PLXDC1: variants seen among roughly 807,000 people sequenced by gnomAD.
PLXDC1 encodes plexin domain containing 1.
Under a neutral mutation model 61.3 loss-of-function variants are expected in PLXDC1, and 39 were observed. That is an observed-to-expected ratio of 0.64 (90% CI 0.49 to 0.83). The LOEUF (loss-of-function observed/expected upper bound fraction) is 0.83. Among genes scored for constraint, PLXDC1 ranks in the 40% least tolerant of loss-of-function variants. The probability of loss-of-function intolerance (pLI) is 0.00; values close to 1 mark genes in which losing one functional copy is unlikely to be tolerated. For synonymous variants in PLXDC1, 212 were observed against 254.5 expected (o/e 0.83, Z 1.59); for missense variants, 596 against 666.5 (o/e 0.89, Z 1.17).
Position 39,151,216 on chromosome 17 carries a change from C to T in PLXDC1, c.76+146G>A, listed in dbSNP as rs1245009096. ...GGAAAGTGGGGTCCCTATCCACCTG[C>T]CCACAGCCCACAGCTCTCCTGGCCT... On this transcript the variant is annotated intron_variant, in intron 1 of 13. Coordinates refer to ENST00000315392, the MANE Select transcript of PLXDC1 (RefSeq NM_020405.5). This position sits in a 1 kb window ranked among gnomAD's most constrained non-coding sequence, Gnocchi z 5.2. 4 of 540,564 alleles carry T rather than the reference C, an allele frequency of 7.4e-6. No individual in the cohort carries two copies. The highest frequency in any genetic ancestry group is 1.1e-5 in the Non-Finnish European group (4 of 356,332). 33.5% of individuals were successfully genotyped at this position (540,564 alleles called of 1,614,324 possible).
chr17:39,127,680 G>A (rs970065718), intron 2 of PLXDC1, among the ~76,000 whole-genome samples: 1 of 152,060 alleles, frequency 6.6e-6, no homozygotes, highest in Non-Finnish European at 1.5e-5. Flanking sequence ...ATAAGGCCGG[G>A]TGCAGTGGCT....
In PLXDC1 at chr17:39,063,503, T is replaced by C. The variant is rs1183873210; in HGVS notation, c.*4337A>G. On this transcript the variant is annotated 3_prime_UTR_variant, in exon 14 of 14. Coordinates refer to ENST00000315392, the MANE Select transcript of PLXDC1 (RefSeq NM_020405.5). ...TAGCTGGAGGCTGTTCCCACAGTCA[T>C]GTCTCAGCGAAGAAGTCGGAGTTCA... 2.4e-5 allele frequency: 17 copies of C among 702,888 alleles called. No homozygotes were observed. Among genetic ancestry groups the C allele is most frequent in the South Asian group, 1.5e-4 (10 of 67,600 alleles). 43.5% of individuals were successfully genotyped at this position (702,888 alleles called of 1,614,324 possible).
At chr17:39,099,863 C>T (rs1292789351) in intron 7 of PLXDC1, among the ~76,000 whole-genome samples, 1 of 152,170 alleles carries the variant, frequency 6.6e-6, no homozygotes, top group Non-Finnish European at 1.5e-5. Context: ...CAGAGAGCCT[C>T]TACGGTGGCT....
chr17:39,108,160 G>T lies in PLXDC1; in HGVS notation c.555C>A (p.Gly185=). The change falls in exon 5 of 14, where the codon GGC becomes GGA. Residue 185 remains glycine (G), a synonymous_variant. Coordinates refer to ENST00000315392, the MANE Select transcript of PLXDC1 (RefSeq NM_020405.5). ...AAACAACTGTGGAGTTGTCGGAGTA[G>T]CCAGGGTTGAAGTTGGCCATCAGGG... ...VAPLMANFNP[G]YSDNSTVVYF... 6.2e-7 allele frequency: 1 copy of T among 1,614,172 alleles called. No homozygotes were observed.
chr17:39,111,742 C>A (rs990508712), intron 2 of PLXDC1: 14 of 152,254 alleles, frequency 9.2e-5, no homozygotes, highest in African/African-American at 3.4e-4. Flanking sequence ...TTGTTGGATT[C>A]TTGGTTTTAC....
intron 2 of PLXDC1, among the ~76,000 whole-genome samples, chr17:39,135,797 C>T (rs1294674023): frequency 2.0e-5 from 3 of 152,084 alleles, no homozygotes; most frequent in Admixed American, 6.6e-5. Flanking sequence ...ACAACAAATT[C>T]CCAAAATCCA....
intron 7 of PLXDC1, among the ~76,000 whole-genome samples, chr17:39,101,106 C>G (rs1910404281): frequency 6.6e-6 from 1 of 152,242 alleles, no homozygotes; most frequent in Non-Finnish European, 1.5e-5. Context: ...GAAGAGTTTT[C>G]TGCTGTCGCC....
intron 7 of PLXDC1, among the ~76,000 whole-genome samples, chr17:39,103,307 G>C (rs1910488829): frequency 6.6e-6 from 1 of 152,032 alleles, no homozygotes; most frequent in Non-Finnish European, 1.5e-5. Flanking sequence ...AGGCTTGCAG[G>C]GGAGGTTAAG....
chr17:39,119,440 T>G (rs566538498), intron 2 of PLXDC1, among the ~76,000 whole-genome samples: 117 of 152,312 alleles, frequency 7.7e-4, no homozygotes, highest in African/African-American at 2.6e-3. Flanking sequence ...GTACAATTAT[T>G]TGTCAATTAA....
intron 7 of PLXDC1, among the ~76,000 whole-genome samples, chr17:39,100,490 A>G (rs1910383448): frequency 6.6e-6 from 1 of 152,214 alleles, no homozygotes; most frequent in Non-Finnish European, 1.5e-5. Context: ...TCCTGACCTC[A>G]GGAGATCCCC....
intron 7 of PLXDC1, among the ~76,000 whole-genome samples, chr17:39,105,218 G>A (rs1379667401): frequency 2.0e-5 from 3 of 152,150 alleles, no homozygotes; most frequent in Admixed American, 6.5e-5. Context: ...TAGAAGGAGC[G>A]GCAGTGCATG....
chr17:39,143,020 C>A (rs1012023398), intron 1 of PLXDC1, among the ~76,000 whole-genome samples: 1 of 152,120 alleles, frequency 6.6e-6, no homozygotes, highest in African/African-American at 2.4e-5. Flanking sequence ...CACCCATAAT[C>A]CCAGCTACTC....
chr17:39,146,458 CT>C (rs2045342896), intron 1 of PLXDC1, among the ~76,000 whole-genome samples: 1 of 151,972 alleles, frequency 6.6e-6, no homozygotes, highest in South Asian at 2.1e-4. Flanking sequence ...GGTGGGATCA[CT>C]TGAGTCCAGG....
At chr17:39,107,885 T>C (rs1910654988) in intron 5 of PLXDC1, 1 of 580,600 alleles carries the variant, frequency 1.7e-6, no homozygotes, top group Non-Finnish European at 3.1e-6. Flanking sequence ...GCCCCTAACA[T>C]TTATTTTACC....
intron 2 of PLXDC1, among the ~76,000 whole-genome samples, chr17:39,119,979 C>T (rs1003569178): frequency 4.6e-5 from 7 of 151,990 alleles, no homozygotes; most frequent in African/African-American, 1.7e-4. Flanking sequence ...CTCATTGTAA[C>T]CCCTCCCTTT....
At chr17:39,149,385 C>A (rs1175416597) in intron 1 of PLXDC1, among the ~76,000 whole-genome samples, 1 of 152,118 alleles carries the variant, frequency 6.6e-6, no homozygotes, top group Non-Finnish European at 1.5e-5. Context: ...CCAGAACGTC[C>A]TTCTCCTACA....
At chr17:39,082,267 G>A (rs1471442505) in intron 9 of PLXDC1, among the ~76,000 whole-genome samples, 1 of 152,190 alleles carries the variant, frequency 6.6e-6, no homozygotes, top group African/African-American at 2.4e-5. Flanking sequence ...ATGGTGCAGA[G>A]GCAAAGGAAA....
At chr17:39,108,027 T>G in intron 5 of PLXDC1, 96 bp downstream of exon 5, 2 of 1,505,282 alleles carry the variant, frequency 1.3e-6, no homozygotes, top group Non-Finnish European at 9.2e-7. Context: ...CGTGGGACTG[T>G]GGGACCCTTG....
intron 2 of PLXDC1, chr17:39,127,123 A>C (rs1333882704): frequency 2.0e-5 from 3 of 152,154 alleles, no homozygotes; most frequent in African/African-American, 7.2e-5. Context: ...GGATCTTTCT[A>C]GTTAACTTTC....
Sources: gnomAD v4.1 joint callset for allele counts (sites outside exome capture counted in the v4.1 genomes callset) on GRCh38, gnomAD v4.1.1 for gene constraint, Gnocchi (gnomAD v3.1) non-coding constraint, MANE v1.5 for transcripts, NCBI Gene and HGNC (gene_info 2026-07-23, HGNC 2026-07-21) for gene names.